Variants in RAI1 observed in about 807,000 individuals in gnomAD.
The protein encoded by RAI1 is retinoic acid induced 1, also known as retinoic acid-induced protein 1.
Under a neutral mutation model 123.8 loss-of-function variants are expected in RAI1, and 9 were observed. The observed-to-expected ratio is 0.07, with a 90% CI of 0.04 to 0.13. The LOEUF is 0.13. Ranked by LOEUF, RAI1 falls within the 10% of genes least tolerant of loss-of-function variation. The pLI is 1.00. For missense variants in RAI1, 2,256 were observed against 2,545.8 expected, an observed-to-expected ratio of 0.89 and a Z score of 2.45; for synonymous variants, 1,231 against 1,127.3, an observed-to-expected ratio of 1.09 and a Z score of -1.84.
chr17:17,702,688 G>A (rs1022732125), intron 1 of RAI1, among the ~76,000 whole-genome samples: 4 of 152,236 alleles, frequency 2.6e-5, no homozygotes, highest in African/African-American at 7.2e-5. Flanking sequence ...GTCAAGGCAA[G>A]GAATGAGGCT....
At chr17:17,695,781 C>T (rs1298920017) in intron 1 of RAI1, among the ~76,000 whole-genome samples, 1 of 152,186 alleles carries the variant, frequency 6.6e-6, no homozygotes, top group African/African-American at 2.4e-5. Context: ...CTTCGCCTCC[C>T]TAAGTACTGG....
intron 1 of RAI1, among the ~76,000 whole-genome samples, chr17:17,696,193 C>A (rs1422970511): frequency 6.6e-6 from 1 of 152,232 alleles, no homozygotes; most frequent in Admixed American, 6.5e-5. Flanking sequence ...AACATACTTT[C>A]TGTAGATGTA....
chr17:17,749,368 G>A (rs545520142), intron 2 of RAI1, among the ~76,000 whole-genome samples: 2 of 152,346 alleles, frequency 1.3e-5, no homozygotes, highest in Admixed American at 6.5e-5. Context: ...CCTCCTAGCC[G>A]GCATCCTCCA....
intron 1 of RAI1, among the ~76,000 whole-genome samples, chr17:17,715,802 G>A (rs374724903): frequency 1.8e-4 from 27 of 152,128 alleles, no homozygotes; most frequent in African/African-American, 6.5e-4. Flanking sequence ...TCCGATCCTC[G>A]CCCCTTTGCG....
chr17:17,806,923 C>G (rs2032605114), intron 4 of RAI1, among the ~76,000 whole-genome samples: 1 of 151,678 alleles, frequency 6.6e-6, no homozygotes, highest in Non-Finnish European at 1.5e-5. Context: ...GCTGCTCTGC[C>G]AGGCCATCTA....
Position 17,797,044 on chromosome 17 carries a change from C to T in RAI1, c.4096C>T (p.Arg1366Cys), listed in dbSNP as rs375295086. 4.3e-5 allele frequency: 69 copies of T among 1,613,888 alleles called. No homozygotes were observed. The highest frequency in any genetic ancestry group is 5.3e-5 in the Non-Finnish European group (63 of 1,180,034). ...PLSPSLSDKD[R>C]GLKGAGGSPV... ...GAGCCCATCCCTTTCCGACAAAGACCGTGGGCTCAAGGGTGCTGGGGGCAG... is the reference window on the plus strand; with the variant it reads ...GAGCCCATCCCTTTCCGACAAAGACTGTGGGCTCAAGGGTGCTGGGGGCAG... Residue 1366 changes from arginine (R) to cysteine (C), a missense_variant, in exon 3 of 6, where the codon CGT (arginine) becomes TGT (cysteine). Physicochemically the swap from Arg to Cys is radical, Grantham distance 180. This residue lies in a region of RAI1 where 322 missense variants were observed against 358.0 expected (regional missense o/e 0.90). Transcript: ENST00000353383.
chr17:17,754,977 C>T (rs917184813), intron 2 of RAI1, among the ~76,000 whole-genome samples: 1 of 152,244 alleles, frequency 6.6e-6, no homozygotes, highest in African/African-American at 2.4e-5. Context: ...GCTTTATGAA[C>T]ACAGGCTTTG....
intron 1 of RAI1, among the ~76,000 whole-genome samples, chr17:17,703,421 T>C (rs1353126635): frequency 2.0e-5 from 3 of 152,002 alleles, no homozygotes; most frequent in African/African-American, 4.8e-5. Context: ...CCAAAAACCT[T>C]TGGAAGGGAC....
chr17:17,700,614 G>A (rs899223771), intron 1 of RAI1, among the ~76,000 whole-genome samples: 4 of 152,128 alleles, frequency 2.6e-5, no homozygotes, highest in African/African-American at 9.7e-5. Flanking sequence ...CCTGGAAAAC[G>A]ACGCCCGGCG....
At position 17,738,382 on chromosome 17, in the gene RAI1, G is replaced by A. The variant is rs909122435; in HGVS notation, c.-17+14223G>A. 2.4e-3 allele frequency among the ~76,000 whole-genome samples: 357 copies of A among 147,144 alleles called. 2 individuals carry two copies. Among genetic ancestry groups the A allele is most frequent in the African/African-American group, 8.3e-3 (331 of 39,692 alleles). On this transcript the variant is annotated intron_variant, in intron 2 of 5. Coordinates refer to ENST00000353383, the MANE Select transcript of RAI1 (RefSeq NM_030665.4). ...TCCTGGTTCAGGGCTGGGTGAGGCG[G>A]CTGGCCTGGCGGGGCGGGGTGGGGT...
intron 2 of RAI1, chr17:17,777,966 G>C (rs1243593929): frequency 6.6e-6 from 1 of 152,262 alleles, no homozygotes; most frequent in Non-Finnish European, 1.5e-5. Flanking sequence ...TCCTTGGACA[G>C]GACAAAACTT....
chr17:17,739,615 C>CTT (rs1916551813), intron 2 of RAI1, among the ~76,000 whole-genome samples: 1 of 152,228 alleles, frequency 6.6e-6, no homozygotes, highest in Non-Finnish European at 1.5e-5. Context: ...CAGCTCCAGA[C>CTT]ACCGCATCCC....
At chr17:17,767,416 A>G (rs1285728479) in intron 2 of RAI1, among the ~76,000 whole-genome samples, 1 of 152,172 alleles carries the variant, frequency 6.6e-6, no homozygotes, top group East Asian at 1.9e-4. Flanking sequence ...CGCTGAAAAA[A>G]AAAAAAAGAT....
rs149246979 is a variant in RAI1 at position 17,801,627 on chromosome 17, C to A, written c.5566-2129C>A. On this transcript the variant is annotated intron_variant, in intron 3 of 5. Transcript: ENST00000353383. The surrounding 1 kb of genome is among the most constrained non-coding windows in gnomAD (Gnocchi z 4.1). ...CTCCAGGAGGCCATCCCAGACTAGGCGGGAAGGAGGCCTCAGCCCTGAGCT... is the reference window on the plus strand; with the variant it reads ...CTCCAGGAGGCCATCCCAGACTAGGAGGGAAGGAGGCCTCAGCCCTGAGCT... 6.6e-6 allele frequency among the ~76,000 whole-genome samples: 1 copy of A among 152,302 alleles called. No individual in the cohort carries two copies. The highest frequency in any genetic ancestry group is 2.1e-4 in the South Asian group (1 of 4,830).
At chr17:17,790,957 G>T (rs932090922) in intron 2 of RAI1, among the ~76,000 whole-genome samples, 1 of 152,362 alleles carries the variant, frequency 6.6e-6, no homozygotes, top group African/African-American at 2.4e-5. Flanking sequence ...TTGGCGCGTC[G>T]CAGCAGGAAC....
chr17:17,810,820 A>G lies in RAI1; in HGVS notation c.*839A>G. On this transcript the variant is annotated 3_prime_UTR_variant, in exon 6 of 6. Transcript: ENST00000353383. The surrounding 1 kb of genome is among the most constrained non-coding windows in gnomAD (Gnocchi z 4.6). The stretch of plus-strand genomic sequence containing the variant: ...CACCTCCGGCTCCGGCGGACGCGCG[A>G]CCGTTGTGCACCACCAGGGACCGCC... 1 of 454,464 alleles carries G rather than the reference A, an allele frequency of 2.2e-6. No homozygotes were observed. The highest frequency in any genetic ancestry group is 4.4e-6 in the Non-Finnish European group (1 of 225,354). 28.2% of individuals were successfully genotyped at this position (454,464 alleles called of 1,614,324 possible).
At chr17:17,806,007 G>T (rs1221414642) in intron 4 of RAI1, among the ~76,000 whole-genome samples, 1 of 152,200 alleles carries the variant, frequency 6.6e-6, no homozygotes, top group East Asian at 1.9e-4. Flanking sequence ...TGGCTTTCTT[G>T]CTCCATGTCC....
Position 17,809,891 on chromosome 17 carries a change from G to A in RAI1, c.5710-79G>A. The A allele has an allele frequency of 6.5e-7, 1 of 1,544,698 alleles. No individual in the cohort carries two copies. ...TCGCCTGGGTCTGGGGCTTAGGCGG[G>A]GGGCCCACACTGGGGGCGGGGCCTA... On this transcript the variant is annotated intron_variant, in intron 5 of 5. Transcript: ENST00000353383. This position sits in a 1 kb window ranked among gnomAD's most constrained non-coding sequence, Gnocchi z 4.9.
chr17:17,729,411 C>T (rs552956425), intron 2 of RAI1, among the ~76,000 whole-genome samples: 2 of 152,314 alleles, frequency 1.3e-5, no homozygotes, highest in South Asian at 4.1e-4. Flanking sequence ...CTGCCTGCTG[C>T]CATACCTCTG....
Sources: allele counts gnomAD v4.1 joint callset (sites outside exome capture counted in the v4.1 genomes callset), GRCh38; gene constraint gnomAD v4.1.1; regional missense constraint gnomAD v4.1.1; non-coding constraint Gnocchi (gnomAD v3.1); transcripts MANE v1.5; gene names NCBI Gene and HGNC (gene_info 2026-07-23, HGNC 2026-07-21).